The following LMF1 variants were observed in gnomAD, a reference collection of about 807,000 sequenced individuals.
LMF1 encodes the protein lipase maturation factor 1.
A neutral mutation model predicts 60.6 loss-of-function variants in LMF1; 68 were observed. That is an observed-to-expected ratio of 1.12 (90% CI 0.92 to 1.37). The LOEUF is 1.37. Among genes scored for constraint, LMF1 ranks in the 40% most tolerant of loss-of-function variants. The pLI, the probability that LMF1 is intolerant of heterozygous loss-of-function variation, is 0.00. For missense variants in LMF1, 948 were observed against 767.2 expected (o/e 1.24, Z -2.78); for synonymous variants, 418 against 324.7 (o/e 1.29, Z -3.09).
Position 897,886 on chromosome 16 carries a change from G to T in LMF1, c.664-4814C>A, listed in dbSNP as rs2070707836. Among the ~76,000 whole-genome samples, 2 of 152,252 alleles carry T rather than the reference G, an allele frequency of 1.3e-5. No homozygotes were observed. Among genetic ancestry groups the T allele is most frequent in the African/African-American group, 2.4e-5 (1 of 41,472 alleles). On this transcript the variant is annotated intron_variant, in intron 4 of 10. Coordinates refer to ENST00000262301, the MANE Select transcript of LMF1 (RefSeq NM_022773.4). The surrounding 1 kb of genome is among the most constrained non-coding windows in gnomAD (Gnocchi z 4.3). The stretch of plus-strand genomic sequence containing the variant: ...CCTCATGCAAGAGAGAACTGGCATG[G>T]GAGGTGGGCTCCGCCCCCGAGTGCT...
intron 6 of LMF1, among the ~76,000 whole-genome samples, chr16:875,969 T>C (rs1052652741): frequency 6.6e-6 from 1 of 152,048 alleles, no homozygotes; most frequent in African/African-American, 2.4e-5. Flanking sequence ...TCAGGAATCC[T>C]GGAACACACC....
intron 1 of LMF1, among the ~76,000 whole-genome samples, chr16:957,466 T>C (rs764588236): frequency 5.9e-5 from 9 of 152,002 alleles, no homozygotes; most frequent in African/African-American, 2.2e-4. Flanking sequence ...TATGAAGAGA[T>C]AGACCATGTT....
At chr16:856,884 G>A (rs1487181334) in intron 10 of LMF1, among the ~76,000 whole-genome samples, 1 of 152,172 alleles carries the variant, frequency 6.6e-6, no homozygotes, top group Non-Finnish European at 1.5e-5. Flanking sequence ...CTATAGTAGG[G>A]ATTGCAGCCA....
At chr16:864,510 T>TGTAA (rs2069558137) in intron 10 of LMF1, among the ~76,000 whole-genome samples, 1 of 152,236 alleles carries the variant, frequency 6.6e-6, no homozygotes, top group African/African-American at 2.4e-5. Flanking sequence ...TGTAGTCTAA[T>TGTAA]GTAAGTGTTC....
chr16:937,493 TGACAGGCTGCTGGGGTCTCTGTTGACC>T (rs1430169467), intron 2 of LMF1, among the ~76,000 whole-genome samples: 1,819 of 152,074 alleles, frequency 0.012, 24 homozygotes, highest in Middle Eastern at 0.044. Flanking sequence ...CTCTGTTGAC[TGACAGGCTGCTGGGGTCTCTGTTGACC>T]GACAGGCTGC....
At position 962,879 on chromosome 16, in the gene LMF1, G is replaced by A. The variant is rs985412929; in HGVS notation, c.193+7909C>T. Among the ~76,000 whole-genome samples the A allele has an allele frequency of 2.0e-5, 3 of 152,164 alleles. No homozygotes were observed. Among genetic ancestry groups the A allele is most frequent in the African/African-American group, 2.4e-5 (1 of 41,440 alleles). ...GAAGACTCTGCACCACTCAGTGCCC[G>A]GCATGAAGCGCTGTGAGCAGCCTCC... is the stretch of plus-strand genomic sequence containing the variant. On this transcript the variant is annotated intron_variant, in intron 1 of 10. Coordinates refer to ENST00000262301, the MANE Select transcript of LMF1 (RefSeq NM_022773.4). The surrounding 1 kb of genome is among the most constrained non-coding windows in gnomAD (Gnocchi z 4.5).
chr16:975,911 T>C, upstream of LMF1: 1 of 449,580 alleles, frequency 2.2e-6, no homozygotes, highest in South Asian at 1.6e-5. Flanking sequence ...TCAAGCACCA[T>C]TTTCCCTCCT....
intron 5 of LMF1, among the ~76,000 whole-genome samples, chr16:891,211 G>A (rs1033909132): frequency 1.3e-5 from 2 of 151,758 alleles, no homozygotes; most frequent in Non-Finnish European, 2.9e-5. Context: ...CGTCCTCGCC[G>A]GAGTGCAGCT....
At chr16:866,380 A>G (rs1013166004) in intron 10 of LMF1, among the ~76,000 whole-genome samples, 12 of 152,154 alleles carry the variant, frequency 7.9e-5, no homozygotes, top group Non-Finnish European at 1.6e-4. Context: ...CTAGGCCTCC[A>G]TGACACTATG....
chr16:977,497 G>T (rs1343153816), intron 1 of LMF1, among the ~76,000 whole-genome samples: 1 of 152,196 alleles, frequency 6.6e-6, no homozygotes, highest in Non-Finnish European at 1.5e-5. Flanking sequence ...AATCTCCCAG[G>T]CCGTGCCAGG....
intron 1 of LMF1, among the ~76,000 whole-genome samples, chr16:954,916 G>A (rs549551552): frequency 3.4e-5 from 5 of 146,540 alleles, no homozygotes; most frequent in South Asian, 2.2e-4. Context: ...AACTAGACAC[G>A]TTACATAAAA....
At position 970,802 on chromosome 16, in the gene LMF1, A is replaced by G. The variant is rs1273238319; in HGVS notation, c.179T>C (p.Leu60Pro). 1.3e-6 allele frequency: 2 copies of G among 1,539,462 alleles called. No individual in the cohort carries two copies. Among genetic ancestry groups the G allele is most frequent in the Non-Finnish European group, 1.8e-6 (2 of 1,142,412 alleles). Residue 60 changes from leucine (L) to proline (P), a missense_variant, in exon 1 of 11, where the codon CTA (leucine) becomes CCA (proline). Transcript: ENST00000262301. ...WLTRIVLLKA[L>P]AFVYFVAFLV... Reference sequence around the variant, plus strand: ...CCGGCACTCACAGTACACGAAGGCTAGGGCCTTCAGGAGCACGATCCGGGT... The same window carrying G: ...CCGGCACTCACAGTACACGAAGGCTGGGGCCTTCAGGAGCACGATCCGGGT...
At chr16:877,377 A>G (rs1007576881) in intron 6 of LMF1, among the ~76,000 whole-genome samples, 1 of 152,238 alleles carries the variant, frequency 6.6e-6, no homozygotes, top group African/African-American at 2.4e-5. Flanking sequence ...GTGATCAGTC[A>G]CAGAGACCCT....
intron 5 of LMF1, among the ~76,000 whole-genome samples, chr16:889,054 G>C (rs2070398268): frequency 6.6e-6 from 1 of 152,146 alleles, no homozygotes; most frequent in Non-Finnish European, 1.5e-5. Context: ...ATGGGAGCGG[G>C]CCCTTGGCCT....
chr16:951,032 GAGCCAATGACAGAGTC>G (rs1458979006), intron 2 of LMF1, among the ~76,000 whole-genome samples: 3 of 134,758 alleles, frequency 2.2e-5, no homozygotes, highest in Non-Finnish European at 3.1e-5. Context: ...GACAGAGTCA[GAGCCAATGACAGAGTC>G]AGCCAATGAC....
intron 3 of LMF1, among the ~76,000 whole-genome samples, chr16:919,562 C>T (rs112200351): frequency 4.0e-5 from 6 of 148,662 alleles, no homozygotes; most frequent in South Asian, 5.1e-4. Flanking sequence ...CCCACAGACC[C>T]GCTCTGGACA....
intron 10 of LMF1, among the ~76,000 whole-genome samples, chr16:863,050 G>C (rs1293112541): frequency 2.0e-5 from 3 of 152,160 alleles, no homozygotes; most frequent in Admixed American, 6.5e-5. Context: ...CAGGTGAGTT[G>C]TGGTAGTTTG....
chr16:925,940 ATG>A (rs2071582547), intron 3 of LMF1, among the ~76,000 whole-genome samples: 1 of 151,840 alleles, frequency 6.6e-6, no homozygotes, highest in Non-Finnish European at 1.5e-5. Flanking sequence ...TGATCTGCAT[ATG>A]TGTCTGTGTG....
rs377490687 is a variant in LMF1, at chr16:908,918, G to A, written c.663+2013C>T. On this transcript the variant is annotated intron_variant, in intron 4 of 10. Transcript: ENST00000262301. ...TGGGTTGAAGCTGGCATGCCACAGA[G>A]GGCAGAGAGGAAAGCTGGAGGCTCC... is the stretch of plus-strand genomic sequence containing the variant. 2.6e-5 allele frequency among the ~76,000 whole-genome samples: 4 copies of A among 152,302 alleles called. No individual in the cohort carries two copies. The East Asian group carries it at 5.8e-4, about 22-fold the overall frequency.
Sources: gnomAD v4.1 joint callset for allele counts (sites outside exome capture counted in the v4.1 genomes callset) on GRCh38, gnomAD v4.1.1 for gene constraint, Gnocchi (gnomAD v3.1) non-coding constraint, MANE v1.5 for transcripts, NCBI Gene and HGNC (gene_info 2026-07-23, HGNC 2026-07-21) for gene names.